The following EEFSEC variants were observed in gnomAD, a reference collection of about 807,000 sequenced individuals.
EEFSEC encodes the protein eukaryotic elongation factor, selenocysteine-tRNA specific, also known as selenocysteine-specific elongation factor.
In EEFSEC, 43 loss-of-function variants were observed where a neutral mutation model predicts 42.1. That is an observed-to-expected ratio of 1.02 (90% CI 0.80 to 1.32). The LOEUF (loss-of-function observed/expected upper bound fraction) is 1.32. Among genes scored for constraint, EEFSEC ranks in the 40% most tolerant of loss-of-function variants. EEFSEC has a pLI of 0.00. For synonymous variants in EEFSEC, 354 were observed against 339.1 expected, an observed-to-expected ratio of 1.04 and a Z score of -0.48; for missense variants, 745 against 803.6, an observed-to-expected ratio of 0.93 and a Z score of 0.88.
chr3:128,224,250 T>A (rs1173225979), intron 1 of EEFSEC, among the ~76,000 whole-genome samples: 2 of 152,244 alleles, frequency 1.3e-5, no homozygotes, highest in Non-Finnish European at 2.9e-5. Flanking sequence ...TTTTTTTTAG[T>A]TGGCGTTAGT....
chr3:128,355,749 A>C (rs2067445483), intron 5 of EEFSEC, among the ~76,000 whole-genome samples: 1 of 152,226 alleles, frequency 6.6e-6, no homozygotes, highest in Non-Finnish European at 1.5e-5. Flanking sequence ...CAGGGAATGT[A>C]GCTATGGAGG....
intron 6 of EEFSEC, among the ~76,000 whole-genome samples, chr3:128,390,258 A>T (rs2067892196): frequency 6.6e-6 from 1 of 152,154 alleles, no homozygotes; most frequent in Non-Finnish European, 1.5e-5. Context: ...CTCCTCATTC[A>T]TCCTCTCACC....
intron 1 of EEFSEC, among the ~76,000 whole-genome samples, chr3:128,216,059 A>G (rs2065808031): frequency 6.6e-6 from 1 of 152,144 alleles, no homozygotes; most frequent in Admixed American, 6.5e-5. Context: ...GGGGATGCAT[A>G]GTTCTTGCAT....
chr3:128,180,030 A>G (rs866154806), intron 1 of EEFSEC, among the ~76,000 whole-genome samples: 1 of 152,220 alleles, frequency 6.6e-6, no homozygotes, highest in Non-Finnish European at 1.5e-5. Flanking sequence ...AATTGCATTT[A>G]AAATCTCTGA....
At chr3:128,401,959 C>T (rs985385713) in intron 6 of EEFSEC, among the ~76,000 whole-genome samples, 1 of 152,192 alleles carries the variant, frequency 6.6e-6, no homozygotes, top group African/African-American at 2.4e-5. Context: ...GCACCATGGG[C>T]CTAGAGATGT....
chr3:128,346,062 C>G (rs913788365), intron 5 of EEFSEC, among the ~76,000 whole-genome samples: 5 of 152,216 alleles, frequency 3.3e-5, no homozygotes, highest in African/African-American at 7.2e-5. Context: ...ATGCTAATTT[C>G]CAAGCCTCTG....
At chr3:128,246,229 C>T (rs1038737754) in intron 1 of EEFSEC, among the ~76,000 whole-genome samples, 7 of 42,716 alleles carry the variant, frequency 1.6e-4, no homozygotes, top group East Asian at 5.4e-3. Flanking sequence ...CAAGCGTGCA[C>T]GCACACACAC....
At chr3:128,295,451 CTT>C (rs201911929) in intron 4 of EEFSEC, among the ~76,000 whole-genome samples, 997 of 63,948 alleles carry the variant, frequency 0.016, 9 homozygotes, top group African/African-American at 0.054. Flanking sequence ...CTTCCCCCTA[CTT>C]TTTTTTTTTT....
intron 5 of EEFSEC, among the ~76,000 whole-genome samples, chr3:128,354,926 C>A (rs1019526857): frequency 6.6e-6 from 1 of 152,178 alleles, no homozygotes; most frequent in Non-Finnish European, 1.5e-5. Flanking sequence ...ATGAGGGAAC[C>A]AGCACTGGGG....
At chr3:128,345,833 A>G (rs2067306261) in intron 5 of EEFSEC, among the ~76,000 whole-genome samples, 1 of 152,222 alleles carries the variant, frequency 6.6e-6, no homozygotes, top group African/African-American at 2.4e-5. Flanking sequence ...CCCATTTCCT[A>G]TAAAGGCATC....
intron 2 of EEFSEC, among the ~76,000 whole-genome samples, chr3:128,255,455 C>T (rs75057046): frequency 3.9e-5 from 6 of 152,246 alleles, no homozygotes; most frequent in East Asian, 3.9e-4. Flanking sequence ...CATGCTTCCC[C>T]GAACCCTGGC....
At chr3:128,236,994 C>T (rs2066019300) in intron 1 of EEFSEC, among the ~76,000 whole-genome samples, 1 of 152,258 alleles carries the variant, frequency 6.6e-6, no homozygotes, top group South Asian at 2.1e-4. Context: ...TCTGGCCTCT[C>T]AAGTGTGCCA....
At chr3:128,240,088 T>C (rs2066054176) in intron 1 of EEFSEC, among the ~76,000 whole-genome samples, 1 of 152,258 alleles carries the variant, frequency 6.6e-6, no homozygotes, top group Non-Finnish European at 1.5e-5. Context: ...AGGTGGGTGC[T>C]AGGTCACAGG....
chr3:128,163,997 A>G (rs1198088828), intron 1 of EEFSEC, among the ~76,000 whole-genome samples: 1 of 152,018 alleles, frequency 6.6e-6, no homozygotes, highest in Non-Finnish European at 1.5e-5. Context: ...AGTATAAATA[A>G]TGTACAATTT....
intron 6 of EEFSEC, chr3:128,367,531 A>G (rs1182614304): frequency 1.6e-6 from 1 of 638,766 alleles, no homozygotes; most frequent in Non-Finnish European, 1.9e-6. Flanking sequence ...CGAACCAGCC[A>G]CCTGCTGTGT....
At chr3:128,415,747 T>C in the EEFSEC span, among the ~76,000 whole-genome samples, 1 of 152,182 alleles carries the variant, frequency 6.6e-6, no homozygotes, top group Admixed American at 6.5e-5. Flanking sequence ...TTCTGGGTCC[T>C]GTGCCACCCG....
At chr3:128,208,873 C>T (rs1021252777) in intron 1 of EEFSEC, among the ~76,000 whole-genome samples, 27 of 152,296 alleles carry the variant, frequency 1.8e-4, no homozygotes, top group African/African-American at 5.5e-4. Flanking sequence ...TCACTGAATG[C>T]TTACCTTTGA....
the EEFSEC span, among the ~76,000 whole-genome samples, chr3:128,414,508 G>A: frequency 6.6e-6 from 1 of 152,166 alleles, no homozygotes; most frequent in Non-Finnish European, 1.5e-5. Context: ...CAGAGCTGGG[G>A]CTCAGACCAG....
At chr3:128,294,156 C>T (rs540089547) in intron 4 of EEFSEC, among the ~76,000 whole-genome samples, 1 of 152,198 alleles carries the variant, frequency 6.6e-6, no homozygotes. Flanking sequence ...TGGTTGGGAG[C>T]CATTAGGGGT....
Sources: gnomAD v4.1 joint callset for allele counts (sites outside exome capture counted in the v4.1 genomes callset) on GRCh38, gnomAD v4.1.1 for gene constraint, MANE v1.5 for transcripts, NCBI Gene and HGNC (gene_info 2026-07-23, HGNC 2026-07-21) for gene names.